NCOA5: variants seen among roughly 807,000 people sequenced by gnomAD.
NCOA5 encodes the protein NCoA-5.
NCOA5 carries 12 observed loss-of-function variants against 59.0 expected under a neutral mutation model. The ratio of observed to expected loss-of-function variants is 0.20; its 90% CI spans 0.13 to 0.33. NCOA5 has a LOEUF of 0.33. Among genes scored for constraint, NCOA5 ranks in the 10% least tolerant of loss-of-function variants. The pLI is 1.00. For synonymous variants in NCOA5, 270 were observed against 275.5 expected (o/e 0.98, Z 0.20); for missense variants, 655 against 766.6 (o/e 0.85, Z 1.72).
chr20:46,063,774 G>C, intron 6 of NCOA5, 94 bp from the exon 7 acceptor site: 3 of 1,240,738 alleles, frequency 2.4e-6, no homozygotes, highest in East Asian at 5.0e-5. Flanking sequence ...CCTCATACCA[G>C]CAAGAAAATC....
In NCOA5 at chr20:46,063,392, C is replaced by T. The variant is rs201177001; in HGVS notation, c.1118G>A (p.Arg373Gln). Residue 373 changes from arginine (R) to glutamine (Q), a missense_variant, in exon 7 of 8, where the codon CGG becomes CAG. By Grantham distance (43) the Arg-to-Gln change is conservative. Transcript: ENST00000290231. Reference sequence around the variant, plus strand: ...AGAGTCGGTGCTGCTCCTCATCAGCCGCTCCTTCCGCTCTCGCAGGTAGTT... The same window carrying T: ...AGAGTCGGTGCTGCTCCTCATCAGCTGCTCCTTCCGCTCTCGCAGGTAGTT... ...IINYLRERKE[R>Q]LMRSSTDSLP... 2.4e-5 allele frequency: 38 copies of T among 1,613,710 alleles called. No individual in the cohort carries two copies. The highest frequency in any genetic ancestry group is 1.8e-4 in the South Asian group (16 of 91,076).
chr20:46,070,331 G>T lies in NCOA5; in HGVS notation c.244C>A (p.Arg82=). The T allele has an allele frequency of 6.2e-7, 1 of 1,613,430 alleles. No individual in the cohort carries two copies. The highest frequency in any genetic ancestry group is 8.5e-7 in the Non-Finnish European group (1 of 1,179,964). ...AAGTCTCTAAGATCCCTCACGTCCC[G>T]AACGTCGCGCACACTCCTGCTGTCT... ...HRDSRSVRDV[R]DVRDLRDFRD... is the part of the protein sequence containing the mutation. The change falls in exon 3 of 8, where the codon CGG becomes AGG. Residue 82 remains arginine (R), a synonymous_variant. Coordinates refer to ENST00000290231, the MANE Select transcript of NCOA5 (RefSeq NM_020967.3).
intron 7 of NCOA5, 105 bp downstream of exon 7, chr20:46,063,255 C>T: frequency 8.3e-7 from 1 of 1,198,150 alleles, no homozygotes; most frequent in Non-Finnish European, 1.2e-6. Flanking sequence ...ACTTAGTTCC[C>T]TTACCCACTC....
chr20:46,067,214 G>A, intron 4 of NCOA5, 33 bp from the exon 5 acceptor site: 6 of 1,593,596 alleles, frequency 3.8e-6, no homozygotes, highest in Middle Eastern at 1.7e-4. Flanking sequence ...ACTGAAATAA[G>A]GACTGGACCC....
At position 46,075,476 on chromosome 20, in the gene NCOA5, T is replaced by C. The variant is rs75927775; in HGVS notation, c.38+3911A>G. 2.9e-3 allele frequency among the ~76,000 whole-genome samples: 435 copies of C among 152,326 alleles called. 1 individual carries two copies. Among genetic ancestry groups the C allele is most frequent in the African/African-American group, 9.8e-3 (407 of 41,582 alleles). On this transcript the variant is annotated intron_variant, in intron 2 of 7. Transcript: ENST00000290231. The stretch of plus-strand genomic sequence containing the variant: ...AAGAAACTTGTCTACAGCCAGGTTA[T>C]TTCTGATGAGCCGATACCCAATGAC...
chr20:46,083,242 CCTGACGTT>C (rs1724151656), intron 1 of NCOA5, among the ~76,000 whole-genome samples: 2 of 152,184 alleles, frequency 1.3e-5, no homozygotes, highest in Admixed American at 6.5e-5. Flanking sequence ...AAGATCTTTT[CCTGACGTT>C]CTGCGAAATC....
At chr20:46,082,934 C>A (rs1297961936) in intron 1 of NCOA5, among the ~76,000 whole-genome samples, 1 of 152,172 alleles carries the variant, frequency 6.6e-6, no homozygotes, top group Admixed American at 6.5e-5. Flanking sequence ...ACAGGGGTCA[C>A]AAAATGGTCC....
intron 2 of NCOA5, among the ~76,000 whole-genome samples, chr20:46,078,182 A>AT (rs2084957838): frequency 6.6e-6 from 1 of 152,146 alleles, no homozygotes; most frequent in South Asian, 2.1e-4. Flanking sequence ...CAGCAGCATT[A>AT]CTTGCCCTTA....
At chr20:46,080,852 A>G (rs944398798) in intron 1 of NCOA5, among the ~76,000 whole-genome samples, 3 of 152,148 alleles carry the variant, frequency 2.0e-5, no homozygotes, top group African/African-American at 7.2e-5. Flanking sequence ...GGCCAGTAAT[A>G]TCTGACCATA....
At chr20:46,062,947 T>C in intron 7 of NCOA5, 58 bp from the exon 8 acceptor site, 1 of 1,408,956 alleles carries the variant, frequency 7.1e-7, no homozygotes. Context: ...GCAGGAGGCC[T>C]AGCAGCCAAA....
intron 1 of NCOA5, among the ~76,000 whole-genome samples, 180 bp downstream of exon 1, chr20:46,089,637 G>A (rs964876516): frequency 6.6e-6 from 1 of 152,120 alleles, no homozygotes; most frequent in East Asian, 1.9e-4. Flanking sequence ...GGGAGCCGGA[G>A]GCGGCCGCGC....
intron 2 of NCOA5, among the ~76,000 whole-genome samples, chr20:46,077,320 TTTTAA>T (rs2084948299): frequency 6.6e-6 from 1 of 152,148 alleles, no homozygotes; most frequent in African/African-American, 2.4e-5. Context: ...AAATTAATAT[TTTTAA>T]TTTAATGCTC....
At chr20:46,068,367 T>G in intron 4 of NCOA5, 135 bp downstream of exon 4, 1 of 848,996 alleles carries the variant, frequency 1.2e-6, no homozygotes. Flanking sequence ...ATAAGCTACT[T>G]ATATTTCTTC....
intron 6 of NCOA5, 152 bp from the exon 7 acceptor site, chr20:46,063,832 GGA>G (rs1491229706): frequency 2.9e-5 from 23 of 798,184 alleles, no homozygotes. Context: ...TGGTGTGGGG[GGA>G]GAGATGAAGG....
rs1328087207 is a variant in NCOA5, at chr20:46,062,560, C to A, written c.1480G>T (p.Ala494Ser). The A allele has an allele frequency of 6.2e-7, 1 of 1,614,108 alleles. No homozygotes were observed. Residue 494 changes from alanine to serine, a missense_variant, in exon 8 of 8, where the codon GCT becomes TCT. Physicochemically the swap from Ala to Ser is moderately conservative, Grantham distance 99. Transcript: ENST00000290231. ...CCAGGTCTGGGGCCCATGTTCTGAGCAGATCCTCCCTGTCCCAAAATGCTT... is the reference window on the plus strand; with the variant it reads ...CCAGGTCTGGGGCCCATGTTCTGAGAAGATCCTCCCTGTCCCAAAATGCTT... ...PPSILGQGGS[A>S]QNMGPRPGAP...
intron 1 of NCOA5, among the ~76,000 whole-genome samples, chr20:46,079,858 G>A (rs1009100425): frequency 3.9e-5 from 6 of 152,118 alleles, no homozygotes; most frequent in Non-Finnish European, 8.8e-5. Context: ...AAAAACAAAA[G>A]AGCAAAGGCA....
chr20:46,068,150 T>C (rs1047697098), intron 4 of NCOA5, among the ~76,000 whole-genome samples: 4 of 152,168 alleles, frequency 2.6e-5, no homozygotes, highest in Non-Finnish European at 5.9e-5. Context: ...CTTAAGCTGG[T>C]CTTGAACTCC....
chr20:46,065,023 CTG>C lies in NCOA5; in HGVS notation c.829+4_829+5del. 6.2e-7 allele frequency: 1 copy of C among 1,614,098 alleles called. No homozygotes were observed. The highest frequency in any genetic ancestry group is 8.5e-7 in the Non-Finnish European group (1 of 1,180,018). On this transcript the variant is annotated splice_donor_5th_base_variant and intron_variant, in intron 6 of 7. Transcript: ENST00000290231. The stretch of plus-strand genomic sequence containing the variant: ...AGTGACTACCTCCGGTATTCTGACT[CTG>C]TACCTTGCGGGGTTCCAAACATGAT...
intron 1 of NCOA5, among the ~76,000 whole-genome samples, chr20:46,086,474 G>A (rs2085046676): frequency 6.6e-6 from 1 of 152,094 alleles, no homozygotes; most frequent in African/African-American, 2.4e-5. Flanking sequence ...TATATATTTA[G>A]CTGTCAATAT....
Sources: allele counts gnomAD v4.1 joint callset (sites outside exome capture counted in the v4.1 genomes callset), GRCh38; gene constraint gnomAD v4.1.1; transcripts MANE v1.5; gene names NCBI Gene and HGNC (gene_info 2026-07-23, HGNC 2026-07-21).